Variants in TRPC7 observed in about 807,000 individuals in gnomAD.
TRPC7 encodes short transient receptor potential channel 7.
Under a neutral mutation model 90.1 loss-of-function variants are expected in TRPC7, and 42 were observed. The observed-to-expected ratio is 0.47, with a 90% CI of 0.36 to 0.60. TRPC7 has a LOEUF of 0.60. Ranked by LOEUF, TRPC7 falls within the 20% of genes least tolerant of loss-of-function variation. The probability of loss-of-function intolerance (pLI) is 0.00; values close to 1 mark genes in which losing one functional copy is unlikely to be tolerated. For missense variants in TRPC7, 955 were observed against 1,112.3 expected, an observed-to-expected ratio of 0.86 and a Z score of 2.01; for synonymous variants, 451 against 436.3, an observed-to-expected ratio of 1.03 and a Z score of -0.42.
intron 2 of TRPC7, among the ~76,000 whole-genome samples, chr5:136,339,445 T>C (rs1387121157): frequency 6.6e-6 from 1 of 152,230 alleles, no homozygotes; most frequent in Non-Finnish European, 1.5e-5. Flanking sequence ...AACTGCTTAC[T>C]GATCAGGTGT....
intron 2 of TRPC7, among the ~76,000 whole-genome samples, chr5:136,341,258 C>T (rs1424719734): frequency 6.6e-6 from 1 of 152,044 alleles, no homozygotes; most frequent in Non-Finnish European, 1.5e-5. Context: ...ACATAAATTA[C>T]AGTGCATCTA....
intron 9 of TRPC7, 126 bp from the exon 10 acceptor site, chr5:136,225,480 A>AT: frequency 1.2e-6 from 1 of 846,930 alleles, no homozygotes. Context: ...TTGAAAGCTG[A>AT]TTTACCTGGT....
intron 11 of TRPC7, 79 bp downstream of exon 11, chr5:136,216,121 A>G: frequency 8.4e-7 from 1 of 1,196,454 alleles, no homozygotes; most frequent in Non-Finnish European, 1.2e-6. Context: ...CCCTGACAAC[A>G]CTGTGGCCGT....
intron 2 of TRPC7, 72 bp from the exon 3 acceptor site, chr5:136,315,851 G>A: frequency 1.4e-6 from 2 of 1,447,258 alleles, no homozygotes; most frequent in East Asian, 2.4e-5. Flanking sequence ...GCATAGCAGT[G>A]TCGATCAGCA....
chr5:136,219,580 A>G (rs1158079394), intron 10 of TRPC7, among the ~76,000 whole-genome samples: 2 of 152,206 alleles, frequency 1.3e-5, no homozygotes, highest in South Asian at 2.1e-4. Flanking sequence ...AGCCTGGGTA[A>G]TATGGCGAAA....
intron 2 of TRPC7, among the ~76,000 whole-genome samples, chr5:136,316,703 A>T (rs1417827598): frequency 6.6e-6 from 1 of 152,166 alleles, no homozygotes; most frequent in Admixed American, 6.5e-5. Context: ...ATGATCCAAA[A>T]TGTTGGACAA....
chr5:136,282,150 C>A (rs554567523), intron 3 of TRPC7, among the ~76,000 whole-genome samples: 4 of 152,136 alleles, frequency 2.6e-5, no homozygotes, highest in Non-Finnish European at 5.9e-5. Flanking sequence ...GGAATGCTTT[C>A]TTTAAATATA....
intron 3 of TRPC7, among the ~76,000 whole-genome samples, chr5:136,299,099 C>T (rs945005108): frequency 1.6e-4 from 25 of 151,882 alleles, no homozygotes; most frequent in African/African-American, 5.3e-4. Flanking sequence ...GTTGGGAGTT[C>T]GAGACCAGCC....
At chr5:136,343,259 C>A (rs1759899587) in intron 2 of TRPC7, among the ~76,000 whole-genome samples, 1 of 152,096 alleles carries the variant, frequency 6.6e-6, no homozygotes, top group African/African-American at 2.4e-5. Flanking sequence ...TTCTGTTCAA[C>A]AAAGAATGAC....
intron 3 of TRPC7, among the ~76,000 whole-genome samples, chr5:136,284,531 C>G (rs1012789107): frequency 2.0e-5 from 3 of 152,206 alleles, no homozygotes; most frequent in Non-Finnish European, 4.4e-5. Context: ...ATTCATTCAA[C>G]AAATATCTAC....
At chr5:136,234,469 C>T (rs1426173039) in intron 7 of TRPC7, among the ~76,000 whole-genome samples, 1 of 152,038 alleles carries the variant, frequency 6.6e-6, no homozygotes, top group East Asian at 1.9e-4. Flanking sequence ...GCCACTGTGC[C>T]CAGCTAATTT....
intron 5 of TRPC7, among the ~76,000 whole-genome samples, chr5:136,264,098 G>C (rs1756948640): frequency 6.6e-6 from 1 of 152,228 alleles, no homozygotes; most frequent in Non-Finnish European, 1.5e-5. Context: ...TGATTTAACA[G>C]TCTTGAATTC....
intron 4 of TRPC7, among the ~76,000 whole-genome samples, chr5:136,273,594 G>T (rs750589069): frequency 6.6e-6 from 1 of 152,066 alleles, no homozygotes; most frequent in African/African-American, 2.4e-5. Context: ...CCGAAGTCTC[G>T]CAGCTGTCAT....
chr5:136,216,641 TGGACCTCA>T (rs1356229923), intron 10 of TRPC7, among the ~76,000 whole-genome samples: 2 of 152,254 alleles, frequency 1.3e-5, no homozygotes, highest in African/African-American at 4.8e-5. Context: ...TCATCTTTCC[TGGACCTCA>T]GTTCTGTTTT....
chr5:136,315,584 T>G lies in TRPC7; in HGVS notation c.963+13A>C, dbSNP rs1471859464. Reference sequence around the variant, plus strand: ...GGTGAGATGGGAAGACCAGGAGAGATGGGGGAGCTTACCTTCTTGACTTCA... The same window carrying G: ...GGTGAGATGGGAAGACCAGGAGAGAGGGGGGAGCTTACCTTCTTGACTTCA... On this transcript the variant is annotated intron_variant, in intron 3 of 11. Coordinates refer to ENST00000513104, the MANE Select transcript of TRPC7 (RefSeq NM_020389.3). 1 of 1,611,590 alleles carries G rather than the reference T, an allele frequency of 6.2e-7. No homozygotes were observed. The highest frequency in any genetic ancestry group is 8.5e-7 in the Non-Finnish European group (1 of 1,178,518).
At chr5:136,312,090 C>T (rs1326046139) in intron 3 of TRPC7, among the ~76,000 whole-genome samples, 3 of 152,106 alleles carry the variant, frequency 2.0e-5, no homozygotes, top group Admixed American at 6.6e-5. Context: ...AGTGTTTGGA[C>T]CTGGGACTGA....
intron 2 of TRPC7, among the ~76,000 whole-genome samples, chr5:136,339,858 C>CAA (rs1379947548): frequency 2.6e-5 from 4 of 152,054 alleles, no homozygotes; most frequent in African/African-American, 9.7e-5. Context: ...ACAACAACAA[C>CAA]AACAACAACA....
At chr5:136,258,830 T>C (rs1158281313) in intron 5 of TRPC7, among the ~76,000 whole-genome samples, 3 of 152,208 alleles carry the variant, frequency 2.0e-5, no homozygotes, top group Non-Finnish European at 4.4e-5. Context: ...TCCCAGGGCA[T>C]TGCATCTGCC....
At chr5:136,310,655 G>A in intron 3 of TRPC7, among the ~76,000 whole-genome samples, 1 of 152,184 alleles carries the variant, frequency 6.6e-6, no homozygotes, top group East Asian at 1.9e-4. Flanking sequence ...ATCCCAAGAT[G>A]CTAGAACTGG....
Sources: allele counts gnomAD v4.1 joint callset (sites outside exome capture counted in the v4.1 genomes callset), GRCh38; gene constraint gnomAD v4.1.1; transcripts MANE v1.5; gene names NCBI Gene and HGNC (gene_info 2026-07-23, HGNC 2026-07-21).